The following MRTFA variants were observed in gnomAD, a reference collection of about 807,000 sequenced individuals.
MRTFA encodes myocardin-related transcription factor A.
A neutral mutation model predicts 83.5 loss-of-function variants in MRTFA; 20 were observed. The observed-to-expected ratio is 0.24, with a 90% CI of 0.17 to 0.35. MRTFA has a LOEUF of 0.35. Ranked by LOEUF, MRTFA falls within the 10% of genes least tolerant of loss-of-function variation. The pLI is 1.00. For synonymous variants in MRTFA, 659 were observed against 541.2 expected, an observed-to-expected ratio of 1.22 and a Z score of -3.02; for missense variants, 1,200 against 1,224.7, an observed-to-expected ratio of 0.98 and a Z score of 0.30.
At chr22:40,451,312 G>A (rs2053481385) in intron 4 of MRTFA, among the ~76,000 whole-genome samples, 1 of 152,226 alleles carries the variant, frequency 6.6e-6, no homozygotes, top group African/African-American at 2.4e-5. Flanking sequence ...TTAAGTTCAT[G>A]TGAATCAATG....
At chr22:40,477,175 C>CAA (rs55932110) in intron 3 of MRTFA, among the ~76,000 whole-genome samples, 624 of 59,600 alleles carry the variant, frequency 0.01, 7 homozygotes, top group Non-Finnish European at 0.016. Flanking sequence ...ACTAAAAATA[C>CAA]AAAAAAAAAA....
At chr22:40,508,513 CAAAA>C (rs1175724448) in intron 3 of MRTFA, among the ~76,000 whole-genome samples, 69 of 26,046 alleles carry the variant, frequency 2.6e-3, no homozygotes, top group African/African-American at 8.5e-3. Context: ...CTCCGTCTCT[CAAAA>C]AAAAAAAAAA....
chr22:40,576,637 A>C (rs138693616), intron 2 of MRTFA, among the ~76,000 whole-genome samples: 53 of 152,366 alleles, frequency 3.5e-4, no homozygotes, highest in African/African-American at 1.1e-3. Context: ...AATTGTCCCA[A>C]AAATGGACTA....
chr22:40,632,726 G>A (rs1026992711), intron 1 of MRTFA, among the ~76,000 whole-genome samples: 3 of 152,110 alleles, frequency 2.0e-5, no homozygotes, highest in Admixed American at 6.6e-5. Flanking sequence ...GTGAGCCACC[G>A]TGCCCAGCCA....
At chr22:40,569,760 CATACATACATACATA>C (rs1569333107) in intron 2 of MRTFA, 8 of 151,056 alleles carry the variant, frequency 5.3e-5, no homozygotes, top group South Asian at 4.3e-4. Flanking sequence ...TACATACATA[CATACATACATACATA>C]CATCAAGGGG....
chr22:40,594,381 G>A (rs1297300940), intron 2 of MRTFA, among the ~76,000 whole-genome samples: 15 of 152,112 alleles, frequency 9.9e-5, no homozygotes, highest in Non-Finnish European at 1.5e-4. Flanking sequence ...AGAGGTAGGG[G>A]TATGTGTGGG....
intron 3 of MRTFA, among the ~76,000 whole-genome samples, chr22:40,535,359 TTTTTTTC>T (rs1488090958): frequency 2.9e-5 from 4 of 137,334 alleles, no homozygotes; most frequent in African/African-American, 5.6e-5. Flanking sequence ...TTTTTTTTTT[TTTTTTTC>T]TTTTTGAGAC....
At chr22:40,500,945 G>A (rs1207692464) in intron 3 of MRTFA, among the ~76,000 whole-genome samples, 1 of 145,942 alleles carries the variant, frequency 6.9e-6, no homozygotes, top group African/African-American at 2.6e-5. Flanking sequence ...GGGCAGAGGG[G>A]CTCCTCACTT....
At chr22:40,627,446 G>A (rs911048249) in intron 1 of MRTFA, among the ~76,000 whole-genome samples, 1 of 152,160 alleles carries the variant, frequency 6.6e-6, no homozygotes, top group Non-Finnish European at 1.5e-5. Flanking sequence ...AGCAACTTAA[G>A]ATGTGAGGTT....
At chr22:40,502,190 G>A (rs1173158905) in intron 3 of MRTFA, among the ~76,000 whole-genome samples, 4 of 146,584 alleles carry the variant, frequency 2.7e-5, no homozygotes, top group African/African-American at 1.0e-4. Flanking sequence ...CGGACGGGGT[G>A]GCTGCCGGGC....
intron 3 of MRTFA, chr22:40,522,010 C>A (rs1302213377): frequency 2.0e-5 from 3 of 152,266 alleles, no homozygotes; most frequent in African/African-American, 7.2e-5. Context: ...GCCACCACGC[C>A]CAGCTAATTT....
rs543365749 is a variant in MRTFA at position 40,466,849 on chromosome 22, AATTTATGAAAGCTAACAC to A, written c.242-3581_242-3564del. ...CTTGCTTCATGAACGCAAAAATTTA[AATTTATGAAAGCTAACAC>A]ATTTAATAAATTTGATTCAAGTTTT... On this transcript the variant is annotated intron_variant, in intron 3 of 14. Transcript: ENST00000355630. 1.3e-3 allele frequency among the ~76,000 whole-genome samples: 203 copies of A among 152,262 alleles called. 2 individuals are homozygous for A. The East Asian group carries it at 0.027, about 20-fold the overall frequency.
intron 3 of MRTFA, among the ~76,000 whole-genome samples, chr22:40,488,704 G>C (rs2054215877): frequency 6.6e-6 from 1 of 152,000 alleles, no homozygotes; most frequent in African/African-American, 2.4e-5. Flanking sequence ...ATGGTGGCGG[G>C]CGCCTGTAAT....
chr22:40,535,793 T>C (rs2055161419), intron 3 of MRTFA, among the ~76,000 whole-genome samples: 1 of 152,112 alleles, frequency 6.6e-6, no homozygotes, highest in South Asian at 2.1e-4. Flanking sequence ...GGGCTGGCTG[T>C]CTCCCTCCTG....
At chr22:40,584,396 G>A (rs182791689) in intron 2 of MRTFA, among the ~76,000 whole-genome samples, 103 of 152,282 alleles carry the variant, frequency 6.8e-4, no homozygotes, top group Admixed American at 1.2e-3. Context: ...AAATAGATGC[G>A]GAGGATTCTG....
At chr22:40,467,839 T>TA (rs1049947944) in intron 3 of MRTFA, among the ~76,000 whole-genome samples, 6 of 152,208 alleles carry the variant, frequency 3.9e-5, no homozygotes, top group African/African-American at 1.4e-4. Context: ...CCTTTACTGT[T>TA]ACTGATTTCC....
At chr22:40,462,749 A>AG (rs1358741642) in intron 4 of MRTFA, among the ~76,000 whole-genome samples, 1 of 152,178 alleles carries the variant, frequency 6.6e-6, no homozygotes, top group Admixed American at 6.5e-5. Context: ...GGCCAGCCTT[A>AG]GAGTATCTCA....
At chr22:40,597,452 A>C (rs2056206853) in intron 1 of MRTFA, among the ~76,000 whole-genome samples, 2 of 152,198 alleles carry the variant, frequency 1.3e-5, no homozygotes, top group South Asian at 4.1e-4. Context: ...TTCAGTTGAT[A>C]ATTTAAATAT....
At chr22:40,521,490 G>A (rs1031899867) in intron 3 of MRTFA, among the ~76,000 whole-genome samples, 6 of 151,706 alleles carry the variant, frequency 4.0e-5, no homozygotes, top group Admixed American at 3.3e-4. Flanking sequence ...CCCACAGCCT[G>A]AATTAATTAA....
Sources: allele counts gnomAD v4.1 joint callset (sites outside exome capture counted in the v4.1 genomes callset), GRCh38; gene constraint gnomAD v4.1.1; transcripts MANE v1.5; gene names NCBI Gene and HGNC (gene_info 2026-07-23, HGNC 2026-07-21).